Variants in PLXND1 observed in about 807,000 individuals in gnomAD.
PLXND1 encodes the protein plexin D1.
Under a neutral mutation model 197.7 loss-of-function variants are expected in PLXND1, and 54 were observed. The observed-to-expected ratio is 0.27, with a 90% CI of 0.22 to 0.34. PLXND1 has a LOEUF of 0.34. Ranked by LOEUF, PLXND1 falls within the 10% of genes least tolerant of loss-of-function variation. The pLI, the probability that PLXND1 is intolerant of heterozygous loss-of-function variation, is 1.00. For missense variants in PLXND1, 2,127 were observed against 2,699.2 expected, an observed-to-expected ratio of 0.79 and a Z score of 4.70; for synonymous variants, 1,180 against 1,161.2, an observed-to-expected ratio of 1.02 and a Z score of -0.33.
At position 129,558,584 on chromosome 3, in the gene PLXND1, T is replaced by C; in HGVS notation, c.5298-9A>G. 6.2e-7 allele frequency: 1 copy of C among 1,613,110 alleles called. No individual in the cohort carries two copies. The highest frequency in any genetic ancestry group is 8.5e-7 in the Non-Finnish European group (1 of 1,179,572). ...AGAACCGGAGAGGAAGGCTGTGGGG[T>C]AGGGTGACAAAGACAGTGAGGGTAG... On this transcript the variant is annotated splice_polypyrimidine_tract_variant and intron_variant, in intron 32 of 35. Coordinates refer to ENST00000324093, the MANE Select transcript of PLXND1 (RefSeq NM_015103.3). This position sits in a 1 kb window ranked among gnomAD's most constrained non-coding sequence, Gnocchi z 4.1.
At chr3:129,605,278 CCCGCCCCCG>C (rs1355890913) in intron 1 of PLXND1, 42 bp downstream of exon 1, 10 of 736,586 alleles carry the variant, frequency 1.4e-5, no homozygotes, top group African/African-American at 1.3e-4. Context: ...CGCCCCCGCC[CCCGCCCCCG>C]CCGCCGCCGC....
rs539454776 is a variant in PLXND1 at position 129,572,293 on chromosome 3, C to T, written c.3077+316G>A. ...AGGTGTTTCGCCAACAGACTCCAACCACACCCCTGCCACTCACCACACCCC... is the reference window on the plus strand; with the variant it reads ...AGGTGTTTCGCCAACAGACTCCAACTACACCCCTGCCACTCACCACACCCC... On this transcript the variant is annotated intron_variant, in intron 15 of 35. Transcript: ENST00000324093. Among the ~76,000 whole-genome samples, 13 of 152,308 alleles carry T rather than the reference C, an allele frequency of 8.5e-5. No individual in the cohort carries two copies. The East Asian group carries it at 2.3e-3, about 27-fold the overall frequency.
At chr3:129,570,736 G>A (rs769493510) in intron 19 of PLXND1, 50 bp downstream of exon 19, 1 of 1,589,056 alleles carries the variant, frequency 6.3e-7, no homozygotes, top group Non-Finnish European at 8.6e-7. Context: ...TTGGCAGATG[G>A]GCCAGGGGTG....
intron 9 of PLXND1, among the ~76,000 whole-genome samples, chr3:129,576,848 T>C (rs528982804): frequency 6.6e-6 from 1 of 152,318 alleles, no homozygotes; most frequent in East Asian, 1.9e-4. Flanking sequence ...GTTTGTGTCA[T>C]GAGGCTCAGT....
intron 2 of PLXND1, among the ~76,000 whole-genome samples, chr3:129,588,062 T>C (rs1037164483): frequency 6.6e-6 from 1 of 152,238 alleles, no homozygotes; most frequent in Non-Finnish European, 1.5e-5. Context: ...CCAGGGCCTG[T>C]GCTGGGTGTG....
rs1259835722 is a variant in PLXND1, at chr3:129,605,640, G to T, written c.1000C>A (p.Leu334Ile). ...PHGAGGDAKK[L>I]TESYIQLGLQ... ...CCCAACTGGATGTAGGACTCGGTGAGCTTCTTGGCGTCGCCGCCGGCGCCG... is the reference window on the plus strand; with the variant it reads ...CCCAACTGGATGTAGGACTCGGTGATCTTCTTGGCGTCGCCGCCGGCGCCG... Residue 334 changes from leucine (L) to isoleucine (I), a missense_variant, in exon 1 of 36, where the codon CTC (leucine) becomes ATC (isoleucine). Physicochemically the swap from Leu to Ile is conservative, Grantham distance 5. Around this residue, in one of 6 missense-constraint regions of PLXND1, gnomAD observed 1,095 missense variants for 1,259.8 expected, o/e 0.87. Coordinates refer to ENST00000324093, the MANE Select transcript of PLXND1 (RefSeq NM_015103.3). The T allele has an allele frequency of 1.3e-6, 2 of 1,536,764 alleles. No homozygotes were observed. The highest frequency in any genetic ancestry group is 1.7e-6 in the Non-Finnish European group (2 of 1,145,296).
In PLXND1 at chr3:129,589,332, C is replaced by T. The variant is rs755861708; in HGVS notation, c.1488+19G>A. ...GCCTCCCACCCCCACCCCCTCCCCACATCCCCAACCATACCTACCTTGAGA... is the reference window on the plus strand; with the variant it reads ...GCCTCCCACCCCCACCCCCTCCCCATATCCCCAACCATACCTACCTTGAGA... On this transcript the variant is annotated intron_variant, in intron 2 of 35. Coordinates refer to ENST00000324093, the MANE Select transcript of PLXND1 (RefSeq NM_015103.3). The T allele has an allele frequency of 9.2e-6, 13 of 1,419,626 alleles. No homozygotes were observed. Among genetic ancestry groups the T allele is most frequent in the Non-Finnish European group, 1.2e-5 (12 of 1,037,132 alleles). The allele number at this position is 1,419,626 out of a possible 1,614,324, so 87.9% of individuals were successfully genotyped here.
At chr3:129,561,623 C>A in intron 29 of PLXND1, 23 bp downstream of exon 29, 1 of 1,580,506 alleles carries the variant, frequency 6.3e-7, no homozygotes. Flanking sequence ...CCTGGGCTCC[C>A]TTCCCACGTG....
Position 129,605,631 on chromosome 3 carries a change from A to G in PLXND1, c.1009T>C (p.Ser337Pro). 1 of 1,536,704 alleles carries G rather than the reference A, an allele frequency of 6.5e-7. No individual in the cohort carries two copies. The highest frequency in any genetic ancestry group is 8.7e-7 in the Non-Finnish European group (1 of 1,145,298). The change falls in exon 1 of 36, where the codon TCC (serine) becomes CCC (proline). Residue 337 changes from serine (S) to proline (P), a missense_variant. Ser to Pro is a moderately conservative substitution (Grantham distance 74). Around this residue, in one of 6 missense-constraint regions of PLXND1, gnomAD observed 1,095 missense variants for 1,259.8 expected, o/e 0.87. Coordinates refer to ENST00000324093, the MANE Select transcript of PLXND1 (RefSeq NM_015103.3). ...CACTGCAAGCCCAACTGGATGTAGG[A>G]CTCGGTGAGCTTCTTGGCGTCGCCG... ...AGGDAKKLTE[S>P]YIQLGLQCAG...
chr3:129,565,621 G>C (rs567907051), intron 24 of PLXND1, 83 bp from the exon 25 acceptor site: 6 of 1,242,132 alleles, frequency 4.8e-6, no homozygotes, highest in Admixed American at 2.0e-5. Context: ...CCTCATCCCC[G>C]GGCCCATCGA....
chr3:129,589,440 G>A lies in PLXND1; in HGVS notation c.1399C>T (p.Arg467Cys), dbSNP rs371227931. Reference protein sequence around the residue: ...LQPLKATPVFRAPGLTSVAVA... With the variant: ...LQPLKATPVFCAPGLTSVAVA... The stretch of plus-strand genomic sequence containing the variant: ...GCCACGGAGGTGAGGCCCGGGGCGC[G>A]GAACACGGGCGTGGCCTTCAGGGGC... Residue 467 changes from arginine (R) to cysteine (C), a missense_variant, in exon 2 of 36, where the codon CGC (arginine) becomes TGC (cysteine). This residue lies in a region of PLXND1 where 1,095 missense variants were observed against 1,259.8 expected (regional missense o/e 0.87). Coordinates refer to ENST00000324093, the MANE Select transcript of PLXND1 (RefSeq NM_015103.3). The A allele has an allele frequency of 6.2e-6, 10 of 1,611,730 alleles. No individual in the cohort carries two copies. The highest frequency in any genetic ancestry group is 4.5e-5 in the East Asian group (2 of 44,806).
At chr3:129,591,510 C>T (rs1200920474) in intron 1 of PLXND1, 1 of 152,278 alleles carries the variant, frequency 6.6e-6, no homozygotes, top group African/African-American at 2.4e-5. Context: ...CGGGGGACCA[C>T]CAGGTTGCCT....
intron 32 of PLXND1, 109 bp downstream of exon 32, chr3:129,559,511 G>A (rs2085025573): frequency 1.2e-6 from 1 of 803,560 alleles, no homozygotes; most frequent in Non-Finnish European, 2.0e-6. Context: ...GGAAATGGCA[G>A]AGGAGGGCTT....
In PLXND1 at chr3:129,560,347, G is replaced by A. The variant is rs746921963; in HGVS notation, c.5116C>T (p.Arg1706Cys). 6 of 1,610,994 alleles carry A rather than the reference G, an allele frequency of 3.7e-6. No individual in the cohort carries two copies. Among genetic ancestry groups the A allele is most frequent in the South Asian group, 1.1e-5 (1 of 91,038 alleles). The stretch of plus-strand genomic sequence containing the variant: ...GGACTCACCTTGGTGGAGAGCAGGC[G>A]GGTCAGGTAGATTTCCGGGAGCACC... ...KKVLPEIYLT[R>C]LLSTKGTLQK... The change falls in exon 31 of 36, where the codon CGC becomes TGC. Residue 1706 changes from arginine to cysteine, a missense_variant. By Grantham distance (180) the Arg-to-Cys change is radical. Around this residue, in one of 6 missense-constraint regions of PLXND1, gnomAD observed 200 missense variants for 303.3 expected, o/e 0.66. Coordinates refer to ENST00000324093, the MANE Select transcript of PLXND1 (RefSeq NM_015103.3).
intron 1 of PLXND1, among the ~76,000 whole-genome samples, chr3:129,595,550 G>A (rs947903123): frequency 1.3e-5 from 2 of 152,212 alleles, no homozygotes; most frequent in African/African-American, 2.4e-5. Context: ...GGAGGAGCAC[G>A]TTGGAGAAAC....
At chr3:129,571,623 C>A in intron 16 of PLXND1, 24 bp from the exon 17 acceptor site, 2 of 1,613,876 alleles carry the variant, frequency 1.2e-6, no homozygotes, top group Non-Finnish European at 1.7e-6. Flanking sequence ...CAAAACCTAT[C>A]AGTGCACCTG....
intron 1 of PLXND1, among the ~76,000 whole-genome samples, chr3:129,597,580 C>T (rs1377285439): frequency 1.3e-5 from 2 of 152,242 alleles, no homozygotes; most frequent in African/African-American, 4.8e-5. Flanking sequence ...GCGAGCTTCC[C>T]TCCCCCTCCA....
chr3:129,602,762 G>A (rs1441089958), intron 1 of PLXND1, among the ~76,000 whole-genome samples: 3 of 152,178 alleles, frequency 2.0e-5, no homozygotes, highest in African/African-American at 7.2e-5. Flanking sequence ...GTAATAACAA[G>A]AAGAACTGCC....
chr3:129,595,214 C>T (rs909525045), intron 1 of PLXND1, among the ~76,000 whole-genome samples: 2 of 152,248 alleles, frequency 1.3e-5, no homozygotes, highest in African/African-American at 4.8e-5. Flanking sequence ...GACTCCCAGA[C>T]CCCAGCTCCT....
Sources: gnomAD v4.1 joint callset for allele counts (sites outside exome capture counted in the v4.1 genomes callset) on GRCh38, gnomAD v4.1.1 for gene constraint, gnomAD v4.1.1 regional missense constraint, Gnocchi (gnomAD v3.1) non-coding constraint, MANE v1.5 for transcripts, NCBI Gene and HGNC (gene_info 2026-07-23, HGNC 2026-07-21) for gene names.